The following TENM4 variants were observed in gnomAD, a reference collection of about 807,000 sequenced individuals.
TENM4 encodes teneurin-4.
Under a neutral mutation model 243.3 loss-of-function variants are expected in TENM4, and 82 were observed. That is an observed-to-expected ratio of 0.34 (90% CI 0.28 to 0.40). The LOEUF is 0.40. Among genes scored for constraint, TENM4 ranks in the 10% least tolerant of loss-of-function variants. The probability of loss-of-function intolerance (pLI) is 1.00; values close to 1 mark genes in which losing one functional copy is unlikely to be tolerated. For synonymous variants in TENM4, 1,412 were observed against 1,456.3 expected (o/e 0.97, Z 0.69); for missense variants, 3,138 against 3,673.3 (o/e 0.85, Z 3.77).
At chr11:79,051,480 G>A (rs34729423) in intron 6 of TENM4, among the ~76,000 whole-genome samples, 91,648 of 151,442 alleles carry the variant, frequency 0.61, 32,806 homozygotes, top group Non-Finnish European at 0.83. Flanking sequence ...AAAATTACTG[G>A]CAGTCATTCA....
intron 18 of TENM4, 28 bp from the exon 19 acceptor site, chr11:78,757,049 A>T (rs992462755): frequency 3.1e-6 from 5 of 1,597,150 alleles, no homozygotes; most frequent in Non-Finnish European, 4.3e-6. Context: ...CATGTGGTTT[A>T]TATTGCTATG....
At chr11:78,747,687 T>C (rs1182499429) in intron 19 of TENM4, among the ~76,000 whole-genome samples, 1 of 152,200 alleles carries the variant, frequency 6.6e-6, no homozygotes, top group African/African-American at 2.4e-5. Flanking sequence ...TTAATGCCTC[T>C]GAGATCTAAT....
intron 3 of TENM4, among the ~76,000 whole-genome samples, chr11:79,204,092 G>T (rs1401520213): frequency 6.6e-6 from 1 of 151,380 alleles, no homozygotes; most frequent in African/African-American, 2.4e-5. Flanking sequence ...TGGGAATAAG[G>T]TGGTGCAGGG....
chr11:79,104,739 G>C (rs1861320691), intron 4 of TENM4, among the ~76,000 whole-genome samples: 2 of 152,218 alleles, frequency 1.3e-5, no homozygotes, highest in African/African-American at 2.4e-5. Flanking sequence ...GGGTCAAAGA[G>C]TATGTGATAT....
intron 1 of TENM4, among the ~76,000 whole-genome samples, chr11:79,425,426 A>C (rs904786332): frequency 6.6e-6 from 1 of 152,132 alleles, no homozygotes; most frequent in East Asian, 1.9e-4. Context: ...CATCCCTAGC[A>C]CATCTCAGTG....
intron 3 of TENM4, among the ~76,000 whole-genome samples, chr11:79,165,004 T>C (rs925871941): frequency 1.3e-5 from 2 of 151,784 alleles, no homozygotes; most frequent in African/African-American, 2.4e-5. Context: ...TGTATACATA[T>C]ATATACATGC....
chr11:79,192,033 C>A (rs1278998620), intron 3 of TENM4, among the ~76,000 whole-genome samples: 1 of 150,332 alleles, frequency 6.7e-6, no homozygotes, highest in Admixed American at 6.8e-5. Flanking sequence ...AAGTGAGGAG[C>A]CCCTCTGCCC....
At chr11:78,974,604 T>A (rs144952419) in intron 6 of TENM4, among the ~76,000 whole-genome samples, 1 of 152,150 alleles carries the variant, frequency 6.6e-6, no homozygotes, top group African/African-American at 2.4e-5. Flanking sequence ...CATAAAAGCA[T>A]GCATGTCTGG....
At chr11:79,128,818 G>A (rs546733507) in intron 4 of TENM4, among the ~76,000 whole-genome samples, 2 of 152,296 alleles carry the variant, frequency 1.3e-5, no homozygotes, top group East Asian at 3.9e-4. Context: ...TGTAGCAAAT[G>A]GTCTGGCTGG....
intron 2 of TENM4, among the ~76,000 whole-genome samples, chr11:79,270,956 T>G (rs1419602499): frequency 6.6e-6 from 1 of 152,198 alleles, no homozygotes; most frequent in Non-Finnish European, 1.5e-5. Context: ...CTGTTCTATG[T>G]ATTAGGACAT....
chr11:79,198,922 T>C (rs1184822350), intron 3 of TENM4, among the ~76,000 whole-genome samples: 6 of 152,112 alleles, frequency 3.9e-5, no homozygotes, highest in African/African-American at 1.4e-4. Context: ...CAGCCCTCTC[T>C]GAGGAAGCAA....
intron 6 of TENM4, among the ~76,000 whole-genome samples, chr11:78,918,008 C>T (rs1343958479): frequency 6.6e-6 from 1 of 152,158 alleles, no homozygotes; most frequent in Non-Finnish European, 1.5e-5. Context: ...CTCTATCTTC[C>T]AGAAGAGAAA....
chr11:79,010,282 A>G (rs1858609816), intron 6 of TENM4, among the ~76,000 whole-genome samples: 2 of 152,126 alleles, frequency 1.3e-5, no homozygotes, highest in Admixed American at 1.3e-4. Context: ...TTTCTGCTGC[A>G]AAGGAACTCA....
intron 9 of TENM4, among the ~76,000 whole-genome samples, chr11:78,877,975 G>T (rs1026832383): frequency 1.3e-5 from 2 of 152,186 alleles, no homozygotes; most frequent in African/African-American, 4.8e-5. Flanking sequence ...GTAGTTAGGA[G>T]CAGATGAGCA....
At chr11:78,768,815 C>T (rs776300520) in intron 18 of TENM4, among the ~76,000 whole-genome samples, 1 of 152,150 alleles carries the variant, frequency 6.6e-6, no homozygotes, top group African/African-American at 2.4e-5. Context: ...ACCTCTCTCT[C>T]CCCCCGAGCT....
chr11:79,024,114 A>G (rs1323163955), intron 6 of TENM4, among the ~76,000 whole-genome samples: 2 of 151,534 alleles, frequency 1.3e-5, no homozygotes, highest in East Asian at 3.9e-4. Context: ...TCCCCTGTGT[A>G]GTGGGAAGGA....
chr11:79,357,754 G>A (rs1039842684), intron 1 of TENM4, among the ~76,000 whole-genome samples: 1 of 152,324 alleles, frequency 6.6e-6, no homozygotes. Context: ...AAAGATGGGG[G>A]AGACAAATAT....
At chr11:79,210,222 G>T (rs1863931288) in intron 3 of TENM4, among the ~76,000 whole-genome samples, 1 of 152,310 alleles carries the variant, frequency 6.6e-6, no homozygotes, top group South Asian at 2.1e-4. Flanking sequence ...CAGCCAGGAT[G>T]AACAGGGCCT....
intron 15 of TENM4, among the ~76,000 whole-genome samples, chr11:78,788,698 C>G (rs1856989946): frequency 1.3e-5 from 2 of 152,220 alleles, no homozygotes; most frequent in African/African-American, 4.8e-5. Flanking sequence ...GAATTGAGGT[C>G]AGCACAGTGA....
Sources: allele counts gnomAD v4.1 joint callset (sites outside exome capture counted in the v4.1 genomes callset), GRCh38; gene constraint gnomAD v4.1.1; transcripts MANE v1.5; gene names NCBI Gene and HGNC (gene_info 2026-07-23, HGNC 2026-07-21).